The following RNLS variants were observed in gnomAD, a reference collection of about 807,000 sequenced individuals.
RNLS encodes the protein renalase, FAD dependent amine oxidase, also known as renalase.
RNLS carries 39 observed loss-of-function variants against 39.8 expected under a neutral mutation model. That is an observed-to-expected ratio of 0.98 (90% confidence interval 0.76 to 1.28). The LOEUF (loss-of-function observed/expected upper bound fraction) is 1.28. RNLS is among the 50% of genes most tolerant of loss of function. The pLI is 0.00. For synonymous variants in RNLS, 147 were observed against 150.7 expected, an observed-to-expected ratio of 0.98 and a Z score of 0.18; for missense variants, 410 against 413.3, an observed-to-expected ratio of 0.99 and a Z score of 0.07.
chr10:88,372,257 A>G (rs1850621694), intron 4 of RNLS, among the ~76,000 whole-genome samples: 1 of 152,106 alleles, frequency 6.6e-6, no homozygotes, highest in Admixed American at 6.6e-5. Flanking sequence ...TCCCCCTGGC[A>G]ATCAGGGAGC....
Position 88,374,886 on chromosome 10 carries a change from T to C in RNLS, c.527-12161A>G, listed in dbSNP as rs115691054. ...CCAGCTCAGGCAGCAAGCAAATTAT[T>C]CTGGCTTGATGTCCATCTGATGGTT... On this transcript the variant is annotated intron_variant, in intron 4 of 6. Transcript: ENST00000331772. Among the ~76,000 whole-genome samples, 391 of 152,224 alleles carry C rather than the reference T, an allele frequency of 2.6e-3. 1 individual carries two copies. Among genetic ancestry groups the C allele is most frequent in the African/African-American group, 9.1e-3 (377 of 41,562 alleles).
the RNLS span, among the ~76,000 whole-genome samples, chr10:88,193,096 C>A: frequency 6.6e-6 from 1 of 152,118 alleles, no homozygotes. Context: ...TCTGGAAATT[C>A]TCCTTACACT....
intron 4 of RNLS, among the ~76,000 whole-genome samples, chr10:88,425,107 A>G (rs972401097): frequency 6.6e-6 from 1 of 152,150 alleles, no homozygotes; most frequent in Non-Finnish European, 1.5e-5. Flanking sequence ...CATTGGCAGC[A>G]TGTTACTGAA....
At chr10:88,531,739 T>C (rs1322963899) in intron 4 of RNLS, among the ~76,000 whole-genome samples, 1 of 152,122 alleles carries the variant, frequency 6.6e-6, no homozygotes, top group Non-Finnish European at 1.5e-5. Context: ...ATAGTTTTTA[T>C]GGGTTTCCAG....
chr10:88,498,640 T>C (rs764337940), intron 4 of RNLS, among the ~76,000 whole-genome samples: 10 of 151,332 alleles, frequency 6.6e-5, no homozygotes, highest in Admixed American at 1.3e-4. Flanking sequence ...ATTTTGACAA[T>C]TGTCCTATGC....
the RNLS span, among the ~76,000 whole-genome samples, chr10:88,236,474 G>A: frequency 0.048 from 7,334 of 152,254 alleles, 272 homozygotes; most frequent in Non-Finnish European, 0.076. Flanking sequence ...TACAAGAAAA[G>A]AAAGGCTACC....
chr10:88,368,474 G>A (rs1850289401), intron 4 of RNLS, among the ~76,000 whole-genome samples: 1 of 151,864 alleles, frequency 6.6e-6, no homozygotes, highest in African/African-American at 2.4e-5. Flanking sequence ...ATATAAAGAG[G>A]GAAAATGTAA....
intron 4 of RNLS, among the ~76,000 whole-genome samples, chr10:88,399,028 T>A (rs1260245912): frequency 2.0e-5 from 3 of 151,912 alleles, no homozygotes; most frequent in Non-Finnish European, 4.4e-5. Flanking sequence ...AAAAAGCACA[T>A]GAAAAGATGC....
intron 5 of RNLS, among the ~76,000 whole-genome samples, chr10:88,343,162 T>A (rs1008631333): frequency 6.6e-6 from 1 of 152,116 alleles, no homozygotes; most frequent in African/African-American, 2.4e-5. Context: ...CATGAACAGA[T>A]GTGTGCTCTA....
chr10:88,328,896 T>C lies in RNLS; in HGVS notation c.701-14255A>G, dbSNP rs969581170. Among the ~76,000 whole-genome samples the C allele has an allele frequency of 9.2e-5, 14 of 152,304 alleles. No homozygotes were observed. The East Asian group carries it at 2.5e-3, about 27-fold the overall frequency. On this transcript the variant is annotated intron_variant, in intron 5 of 6. Coordinates refer to ENST00000331772, the MANE Select transcript of RNLS (RefSeq NM_001031709.3). ...TGAAGTTCTTAAAATGAACTTCTAA[T>C]GGAGATAGAACTCTCTCAGATTTTG...
intron 3 of RNLS, among the ~76,000 whole-genome samples, chr10:88,573,422 C>G (rs1362293349): frequency 2.0e-5 from 3 of 152,152 alleles, no homozygotes; most frequent in Admixed American, 2.0e-4. Flanking sequence ...AAATAGCATG[C>G]CATGATTTAA....
chr10:88,243,937 A>G, the RNLS span, among the ~76,000 whole-genome samples: 1 of 152,252 alleles, frequency 6.6e-6, no homozygotes, highest in South Asian at 2.1e-4. Flanking sequence ...AATAGCCAGC[A>G]GCTGCGTTTG....
At chr10:88,222,638 T>A in the RNLS span, among the ~76,000 whole-genome samples, 1 of 152,212 alleles carries the variant, frequency 6.6e-6, no homozygotes, top group Non-Finnish European at 1.5e-5. Context: ...CAACGCCTGA[T>A]GAACAAGTGT....
intron 4 of RNLS, among the ~76,000 whole-genome samples, chr10:88,565,143 G>A (rs1849419269): frequency 1.3e-5 from 2 of 151,954 alleles, no homozygotes; most frequent in African/African-American, 4.8e-5. Flanking sequence ...AATTCTAATG[G>A]GCCTAAATTT....
chr10:88,254,711 T>C, the RNLS span, among the ~76,000 whole-genome samples: 1 of 152,222 alleles, frequency 6.6e-6, no homozygotes, highest in Non-Finnish European at 1.5e-5. Context: ...ACACACCGGG[T>C]ATTTAATACC....
intron 5 of RNLS, among the ~76,000 whole-genome samples, chr10:88,348,772 T>C (rs1263255715): frequency 6.6e-6 from 1 of 152,150 alleles, no homozygotes; most frequent in African/African-American, 2.4e-5. Context: ...TTTCCTCACC[T>C]TAAAGAAAAG....
chr10:88,276,196 G>A (rs1842807499), intron 6 of RNLS, among the ~76,000 whole-genome samples: 1 of 151,972 alleles, frequency 6.6e-6, no homozygotes, highest in Admixed American at 6.6e-5. Flanking sequence ...TCTACATTAA[G>A]GACATACTTT....
chr10:88,352,398 T>A (rs1368618516), intron 5 of RNLS, among the ~76,000 whole-genome samples: 3 of 152,194 alleles, frequency 2.0e-5, no homozygotes, highest in Non-Finnish European at 4.4e-5. Context: ...TATTGAGAGT[T>A]TTTAGCATGA....
At chr10:88,439,929 T>G (rs1432495538) in intron 4 of RNLS, among the ~76,000 whole-genome samples, 1 of 152,242 alleles carries the variant, frequency 6.6e-6, no homozygotes, top group East Asian at 1.9e-4. Context: ...CAATTCCTCC[T>G]GTAAGAAGTA....
Sources: gnomAD v4.1 joint callset for allele counts (sites outside exome capture counted in the v4.1 genomes callset) on GRCh38, gnomAD v4.1.1 for gene constraint, MANE v1.5 for transcripts, NCBI Gene and HGNC (gene_info 2026-07-23, HGNC 2026-07-21) for gene names.